The following EYS variants were observed in gnomAD, a reference collection of about 807,000 sequenced individuals.
The protein encoded by EYS is protein eyes shut homolog.
A neutral mutation model predicts 282.1 loss-of-function variants in EYS; 250 were observed. The ratio of observed to expected loss-of-function variants is 0.89; its 90% CI spans 0.80 to 0.98. The LOEUF is 0.98. Ranked by LOEUF, EYS falls within the 50% of genes least tolerant of loss-of-function variation. The probability of loss-of-function intolerance (pLI) is 0.00; values close to 1 mark genes in which losing one functional copy is unlikely to be tolerated. For missense variants in EYS, 4,016 were observed against 3,709.0 expected, an observed-to-expected ratio of 1.08 and a Z score of -2.15; for synonymous variants, 1,355 against 1,282.9, an observed-to-expected ratio of 1.06 and a Z score of -1.20.
intron 19 of EYS, among the ~76,000 whole-genome samples, chr6:64,837,118 T>C (rs1323898103): frequency 6.6e-6 from 1 of 151,726 alleles, no homozygotes; most frequent in East Asian, 1.9e-4. Context: ...AATAAAAAAT[T>C]GTTATTGTTC....
chr6:65,257,347 C>T (rs1220009940), intron 12 of EYS, among the ~76,000 whole-genome samples: 2 of 102,494 alleles, frequency 2.0e-5, no homozygotes, highest in Admixed American at 9.3e-5. Flanking sequence ...TCCTTGCCCA[C>T]GCCTATGTCC....
At chr6:65,318,117 T>G (rs957453160) in intron 11 of EYS, among the ~76,000 whole-genome samples, 2 of 151,174 alleles carry the variant, frequency 1.3e-5, no homozygotes, top group African/African-American at 4.9e-5. Flanking sequence ...TCCGCCCACC[T>G]CGGCCTCCCA....
intron 22 of EYS, among the ~76,000 whole-genome samples, chr6:64,761,116 G>A (rs1422203157): frequency 6.6e-6 from 1 of 152,202 alleles, no homozygotes; most frequent in Non-Finnish European, 1.5e-5. Context: ...ATCTGCACAA[G>A]TGGGTTGAGA....
At chr6:65,130,611 G>A (rs1775842169) in intron 12 of EYS, among the ~76,000 whole-genome samples, 1 of 151,684 alleles carries the variant, frequency 6.6e-6, no homozygotes, top group African/African-American at 2.4e-5. Context: ...GAGAACAGAT[G>A]GACTTATAGA....
intron 12 of EYS, among the ~76,000 whole-genome samples, chr6:65,084,513 A>T (rs945514765): frequency 6.6e-6 from 1 of 152,120 alleles, no homozygotes; most frequent in African/African-American, 2.4e-5. Context: ...TACTTTTTAA[A>T]ATAAAAATAA....
intron 2 of EYS, among the ~76,000 whole-genome samples, chr6:65,605,259 G>C (rs1299275905): frequency 1.3e-5 from 2 of 151,480 alleles, no homozygotes; most frequent in East Asian, 3.9e-4. Flanking sequence ...GACATGAATG[G>C]TATCAACAAA....
intron 35 of EYS, among the ~76,000 whole-genome samples, chr6:63,981,604 C>T (rs763466008): frequency 2.0e-5 from 3 of 151,838 alleles, no homozygotes; most frequent in Non-Finnish European, 4.4e-5. Flanking sequence ...TGGTACATCT[C>T]CATGTGGCTA....
intron 36 of EYS, among the ~76,000 whole-genome samples, chr6:63,851,567 T>C (rs545578306): frequency 1.3e-5 from 2 of 152,302 alleles, no homozygotes; most frequent in South Asian, 4.1e-4. Flanking sequence ...TGCTCCTGAA[T>C]GACTACTGGG....
chr6:65,182,094 T>C (rs1374101758), intron 12 of EYS, among the ~76,000 whole-genome samples: 1 of 151,796 alleles, frequency 6.6e-6, no homozygotes, highest in South Asian at 2.1e-4. Context: ...CATTAGGAGA[T>C]ATACCTAATG....
At chr6:65,140,139 T>A (rs1440416627) in intron 12 of EYS, among the ~76,000 whole-genome samples, 1 of 151,842 alleles carries the variant, frequency 6.6e-6, no homozygotes, top group Non-Finnish European at 1.5e-5. Context: ...ATTATAAAGG[T>A]GTTTGAAAAA....
At chr6:64,812,379 T>C (rs1200388047) in intron 22 of EYS, among the ~76,000 whole-genome samples, 1 of 152,018 alleles carries the variant, frequency 6.6e-6, no homozygotes, top group Non-Finnish European at 1.5e-5. Context: ...TGTTTGCCTA[T>C]GCTAAATGTA....
At chr6:64,825,589 A>T (rs1765030483) in intron 19 of EYS, among the ~76,000 whole-genome samples, 2 of 151,880 alleles carry the variant, frequency 1.3e-5, no homozygotes, top group South Asian at 4.1e-4. Context: ...GAATCTGGGG[A>T]AACTGTTAGT....
At chr6:65,220,727 A>G (rs1304972063) in intron 12 of EYS, among the ~76,000 whole-genome samples, 1 of 152,128 alleles carries the variant, frequency 6.6e-6, no homozygotes, top group East Asian at 1.9e-4. Flanking sequence ...CAGAGGTTGG[A>G]ACAGTTTGGA....
chr6:64,178,605 G>A (rs560775273), intron 31 of EYS, among the ~76,000 whole-genome samples: 1 of 152,150 alleles, frequency 6.6e-6, no homozygotes, highest in Admixed American at 6.6e-5. Flanking sequence ...AGGAATCAGA[G>A]AGATGTGACC....
At chr6:64,740,911 C>T (rs1002761814) in intron 22 of EYS, among the ~76,000 whole-genome samples, 1 of 151,970 alleles carries the variant, frequency 6.6e-6, no homozygotes, top group African/African-American at 2.4e-5. Flanking sequence ...CACGGGGTTT[C>T]ACCATGTTAG....
chr6:64,074,122 C>T (rs1562186829), intron 32 of EYS, among the ~76,000 whole-genome samples: 2 of 151,464 alleles, frequency 1.3e-5, no homozygotes, highest in Non-Finnish European at 3.0e-5. Flanking sequence ...CATTTCAAAA[C>T]TTTATAAAAT....
chr6:64,793,571 T>C (rs1450600834), intron 22 of EYS, among the ~76,000 whole-genome samples: 1 of 152,200 alleles, frequency 6.6e-6, no homozygotes, highest in Non-Finnish European at 1.5e-5. Context: ...CTAGATCACA[T>C]GCTAGACCTG....
intron 30 of EYS, among the ~76,000 whole-genome samples, chr6:64,257,318 A>G (rs1234735813): frequency 6.6e-6 from 1 of 152,018 alleles, no homozygotes; most frequent in Non-Finnish European, 1.5e-5. Context: ...TTTAAATGTC[A>G]CTGTCCACAG....
chr6:64,269,859 G>C (rs1386999566), intron 30 of EYS, among the ~76,000 whole-genome samples: 1 of 151,726 alleles, frequency 6.6e-6, no homozygotes, highest in Admixed American at 6.6e-5. Flanking sequence ...ATATGAGCAA[G>C]GTATTATCTT....
Sources: allele counts gnomAD v4.1 joint callset (sites outside exome capture counted in the v4.1 genomes callset), GRCh38; gene constraint gnomAD v4.1.1; transcripts MANE v1.5; gene names NCBI Gene and HGNC (gene_info 2026-07-23, HGNC 2026-07-21).